The following ANXA3 variants were observed in gnomAD, a reference collection of about 807,000 sequenced individuals.
The protein encoded by ANXA3 is 35-alpha calcimedin.
ANXA3 carries 46 observed loss-of-function variants against 48.8 expected under a neutral mutation model. The observed-to-expected ratio is 0.94, with a 90% confidence interval of 0.74 to 1.21. The LOEUF is 1.21. ANXA3 is among the 50% of genes most tolerant of loss of function. ANXA3 has a pLI of 0.00. For synonymous variants in ANXA3, 128 were observed against 134.7 expected, an observed-to-expected ratio of 0.95 and a Z score of 0.35; for missense variants, 383 against 378.6, an observed-to-expected ratio of 1.01 and a Z score of -0.10.
intron 8 of ANXA3, among the ~76,000 whole-genome samples, 154 bp from the exon 9 acceptor site, chr4:78,595,640 C>T (rs1334131253): frequency 6.6e-6 from 1 of 151,924 alleles, no homozygotes; most frequent in African/African-American, 2.4e-5. Context: ...TCCTTGGCTC[C>T]TGACAGCCCA....
In ANXA3 at chr4:78,573,213, G is replaced by A. The variant is rs1014311582; in HGVS notation, c.49G>A (p.Asp17Asn). 5 of 1,613,578 alleles carry A rather than the reference G, an allele frequency of 3.1e-6. No individual in the cohort carries two copies. In the African/African-American group the frequency reaches 6.7e-5, roughly 22 times the overall value. The change falls in exon 3 of 13, where the codon GAC becomes AAC. Residue 17 changes from aspartate (D) to asparagine (N), a missense_variant. Asp to Asn is a conservative substitution (Grantham distance 23). Coordinates refer to ENST00000264908, the MANE Select transcript of ANXA3 (RefSeq NM_005139.3). ...GHRGTVRDYPDFSPSVDAEAI... is the reference protein window; with the variant it reads ...GHRGTVRDYPNFSPSVDAEAI... ...CCGAGGAACAGTAAGAGATTATCCA[G>A]ACTTTAGCCCATCAGTGGATGCTGA...
chr4:78,559,164 C>G (rs753424607), intron 2 of ANXA3, among the ~76,000 whole-genome samples: 2 of 152,122 alleles, frequency 1.3e-5, no homozygotes, highest in Non-Finnish European at 2.9e-5. Context: ...GCTGCAGCCT[C>G]AACCTCCTGG....
intron 4 of ANXA3, among the ~76,000 whole-genome samples, chr4:78,581,671 T>C (rs1443450101): frequency 6.6e-6 from 1 of 152,224 alleles, no homozygotes; most frequent in Non-Finnish European, 1.5e-5. Context: ...TTTTCTTTTC[T>C]TTACTTGTTG....
At chr4:78,580,233 G>A (rs1044589391) in intron 4 of ANXA3, among the ~76,000 whole-genome samples, 1 of 152,274 alleles carries the variant, frequency 6.6e-6, no homozygotes, top group Admixed American at 6.5e-5. Context: ...GTCAGTGAGG[G>A]GTTGTTACCT....
chr4:78,593,560 G>GA (rs1024369103), intron 7 of ANXA3, among the ~76,000 whole-genome samples: 1 of 150,752 alleles, frequency 6.6e-6, no homozygotes, highest in Non-Finnish European at 1.5e-5. Context: ...CAGATTTATG[G>GA]AAAAATTGAG....
chr4:78,564,794 T>A (rs1292713388), intron 2 of ANXA3, among the ~76,000 whole-genome samples: 1 of 151,922 alleles, frequency 6.6e-6, no homozygotes, highest in Non-Finnish European at 1.5e-5. Context: ...GGCATTAAGG[T>A]GGGAAAGAGT....
intron 6 of ANXA3, among the ~76,000 whole-genome samples, chr4:78,586,931 T>C (rs965546714): frequency 3.3e-5 from 5 of 152,132 alleles, no homozygotes; most frequent in Admixed American, 3.3e-4. Flanking sequence ...AGCTCAGGTG[T>C]TTTCAGGCTA....
At chr4:78,604,491 C>T in intron 12 of ANXA3, 92 bp downstream of exon 12, 1 of 1,097,554 alleles carries the variant, frequency 9.1e-7, no homozygotes, top group Non-Finnish European at 1.3e-6. Context: ...AGATATTTGA[C>T]TTAGATTTCT....
intron 2 of ANXA3, among the ~76,000 whole-genome samples, chr4:78,566,258 C>G (rs1458929947): frequency 1.3e-5 from 2 of 152,116 alleles, no homozygotes; most frequent in East Asian, 3.8e-4. Context: ...GAATCTCATT[C>G]ATCTTTCTAC....
At chr4:78,562,931 A>G (rs1722653964) in intron 2 of ANXA3, among the ~76,000 whole-genome samples, 1 of 152,212 alleles carries the variant, frequency 6.6e-6, no homozygotes. Context: ...TTTGAATGCA[A>G]CAGGAAGATT....
chr4:78,590,209 T>C (rs3805174), intron 6 of ANXA3, among the ~76,000 whole-genome samples: 101,756 of 151,954 alleles, frequency 0.67, 34,332 homozygotes, highest in East Asian at 0.87. Flanking sequence ...AAGTTTTTTA[T>C]CTAACTAGAA....
At chr4:78,607,188 A>G (rs72873394) in intron 12 of ANXA3, among the ~76,000 whole-genome samples, 15,434 of 152,240 alleles carry the variant, frequency 0.1, 2,570 homozygotes, top group African/African-American at 0.35. Flanking sequence ...AAAATCCATC[A>G]CTGAAAACTT....
intron 5 of ANXA3, among the ~76,000 whole-genome samples, chr4:78,583,831 C>T (rs528402624): frequency 3.3e-5 from 5 of 152,156 alleles, no homozygotes; most frequent in South Asian, 2.1e-4. Context: ...TCAGGTCTGC[C>T]GAGAAAGGTA....
chr4:78,600,572 C>CT (rs1723514415), intron 10 of ANXA3, among the ~76,000 whole-genome samples: 1 of 152,138 alleles, frequency 6.6e-6, no homozygotes, highest in Non-Finnish European at 1.5e-5. Context: ...ATTCTAAATG[C>CT]TGTGTTTGGG....
At chr4:78,580,497 A>G (rs1322711775) in intron 4 of ANXA3, among the ~76,000 whole-genome samples, 2 of 152,174 alleles carry the variant, frequency 1.3e-5, no homozygotes, top group Non-Finnish European at 2.9e-5. Flanking sequence ...GGCTACAGGG[A>G]ACCACTGGAG....
At chr4:78,588,267 C>T (rs1328787508) in intron 6 of ANXA3, among the ~76,000 whole-genome samples, 1 of 152,012 alleles carries the variant, frequency 6.6e-6, no homozygotes, top group Non-Finnish European at 1.5e-5. Flanking sequence ...GTGGTGCACG[C>T]CTACAGTCCC....
At chr4:78,595,536 TTTTC>T (rs201929153) in intron 8 of ANXA3, 99 bp downstream of exon 8, 2 of 1,296,206 alleles carry the variant, frequency 1.5e-6, no homozygotes, top group African/African-American at 3.2e-5. Flanking sequence ...CAACAGGGAC[TTTTC>T]TTTTTTTTTT....
At position 78,568,228 on chromosome 4, in the gene ANXA3, A is replaced by G. The variant is rs112211724; in HGVS notation, c.16-4952A>G. On this transcript the variant is annotated intron_variant, in intron 2 of 12. Transcript: ENST00000264908. ...ATTTTATTTCAGGGCTGTTTACAGTAAACTTTCTTTGGTTTTGAAAAATGC... is the reference window on the plus strand; with the variant it reads ...ATTTTATTTCAGGGCTGTTTACAGTGAACTTTCTTTGGTTTTGAAAAATGC... 9.5e-4 allele frequency among the ~76,000 whole-genome samples: 145 copies of G among 152,358 alleles called. 1 individual carries two copies. The highest frequency in any genetic ancestry group is 3.3e-3 in the African/African-American group (137 of 41,578).
intron 12 of ANXA3, among the ~76,000 whole-genome samples, chr4:78,608,063 T>C (rs1482969790): frequency 2.0e-5 from 3 of 152,146 alleles, no homozygotes; most frequent in African/African-American, 7.2e-5. Flanking sequence ...AATTCACTCA[T>C]TCAATTAAAA....
Sources: gnomAD v4.1 joint callset for allele counts (sites outside exome capture counted in the v4.1 genomes callset) on GRCh38, gnomAD v4.1.1 for gene constraint, MANE v1.5 for transcripts, NCBI Gene and HGNC (gene_info 2026-07-23, HGNC 2026-07-21) for gene names.